The following GPHN variants were observed in gnomAD, a reference collection of about 807,000 sequenced individuals.
GPHN encodes the protein gephyrin.
In GPHN, 17 loss-of-function variants were observed where a neutral mutation model predicts 95.5. The observed-to-expected ratio is 0.18, with a 90% CI of 0.12 to 0.27. GPHN has a LOEUF of 0.27. Among genes scored for constraint, GPHN ranks in the 10% least tolerant of loss-of-function variants. The pLI is 1.00. For missense variants in GPHN, 660 were observed against 978.1 expected (o/e 0.67, Z 4.34); for synonymous variants, 320 against 322.5 (o/e 0.99, Z 0.08).
At chr14:66,553,625 G>GA (rs1488606365) in intron 1 of GPHN, among the ~76,000 whole-genome samples, 1 of 151,876 alleles carries the variant, frequency 6.6e-6, no homozygotes, top group Non-Finnish European at 1.5e-5. Context: ...TCACCAGGCT[G>GA]GAGTGCAGTG....
chr14:67,659,164 C>T, the GPHN span, among the ~76,000 whole-genome samples: 1 of 152,198 alleles, frequency 6.6e-6, no homozygotes, highest in Non-Finnish European at 1.5e-5. Flanking sequence ...GGGAGTCTTG[C>T]TCACTTTCTA....
the GPHN span, among the ~76,000 whole-genome samples, chr14:67,420,400 G>A: frequency 6.6e-6 from 1 of 152,236 alleles, no homozygotes; most frequent in Non-Finnish European, 1.5e-5. Context: ...ACGAAGGGAC[G>A]TGTGACCGGT....
At chr14:67,422,166 A>T in the GPHN span, among the ~76,000 whole-genome samples, 1 of 152,028 alleles carries the variant, frequency 6.6e-6, no homozygotes, top group East Asian at 1.9e-4. Context: ...TCCTCATCTT[A>T]ATCATCCCAG....
intron 3 of GPHN, among the ~76,000 whole-genome samples, chr14:66,797,048 A>G (rs577494308): frequency 1.7e-5 from 2 of 120,798 alleles, no homozygotes; most frequent in Non-Finnish European, 1.8e-5. Flanking sequence ...TTTTTGCATA[A>G]TGGATATTCA....
intron 3 of GPHN, among the ~76,000 whole-genome samples, chr14:66,806,077 G>A (rs979278469): frequency 1.3e-5 from 2 of 152,112 alleles, no homozygotes; most frequent in African/African-American, 2.4e-5. Context: ...AAATCTAGAT[G>A]GCGGTTCCCA....
chr14:67,554,130 T>C, the GPHN span, among the ~76,000 whole-genome samples: 1 of 151,986 alleles, frequency 6.6e-6, no homozygotes, highest in Non-Finnish European at 1.5e-5. Flanking sequence ...GAGAAAAAAA[T>C]GGATGAGGGA....
chr14:66,961,900 G>GTATGTATATA lies in GPHN; in HGVS notation c.829-3288_829-3287insGTATATATAT, dbSNP rs2068929443. Among the ~76,000 whole-genome samples, 8 of 52,958 alleles carry GTATGTATATA rather than the reference G, an allele frequency of 1.5e-4. 1 individual carries two copies. The highest frequency in any genetic ancestry group is 2.2e-4 in the Non-Finnish European group (5 of 22,476). The allele number at this position is 52,958 out of a possible 152,430, so 34.7% of individuals were successfully genotyped here. A position where few individuals can be genotyped will look rare whatever the true frequency, so the allele number is the denominator to read the frequency against. On this transcript the variant is annotated intron_variant, in intron 8 of 22. Transcript: ENST00000478722. ...AACCAACCATTCTATCCCTGAATGT[G>GTATGTATATA]TATATATATATATATATATATATAT...
intron 9 of GPHN, among the ~76,000 whole-genome samples, chr14:66,984,156 C>A (rs74056542): frequency 0.068 from 10,273 of 152,172 alleles, 837 homozygotes; most frequent in African/African-American, 0.19. Flanking sequence ...GCATCAGACT[C>A]TTATATTTTT....
the GPHN span, among the ~76,000 whole-genome samples, chr14:67,427,342 G>T: frequency 6.6e-6 from 1 of 152,188 alleles, no homozygotes; most frequent in African/African-American, 2.4e-5. Flanking sequence ...GAAGGTCTCG[G>T]GCAGGGAAGG....
At chr14:66,763,901 A>G (rs1248437218) in intron 2 of GPHN, among the ~76,000 whole-genome samples, 2 of 152,074 alleles carry the variant, frequency 1.3e-5, no homozygotes, top group African/African-American at 4.8e-5. Context: ...CACAAACCCT[A>G]TTGTGAACTG....
the GPHN span, among the ~76,000 whole-genome samples, chr14:67,318,443 C>T: frequency 6.6e-6 from 1 of 151,956 alleles, no homozygotes; most frequent in Admixed American, 6.6e-5. Flanking sequence ...TTTTTTGAAA[C>T]AGACTGAAGT....
chr14:66,847,094 T>A (rs907671197), intron 4 of GPHN, among the ~76,000 whole-genome samples: 1 of 152,158 alleles, frequency 6.6e-6, no homozygotes, highest in Non-Finnish European at 1.5e-5. Flanking sequence ...ACTCAGTACT[T>A]CACACTGATT....
At chr14:67,005,543 T>C (rs1333409899) in intron 9 of GPHN, among the ~76,000 whole-genome samples, 2 of 151,954 alleles carry the variant, frequency 1.3e-5, no homozygotes, top group Non-Finnish European at 2.9e-5. Context: ...TACATGTATT[T>C]GATGTCAGAG....
chr14:67,690,792 G>A, the GPHN span: 5 of 375,178 alleles, frequency 1.3e-5, no homozygotes, highest in Non-Finnish European at 2.4e-5. Context: ...AGTACAGCCT[G>A]GGCAACATAG....
At chr14:66,795,722 T>C (rs2060131449) in intron 3 of GPHN, among the ~76,000 whole-genome samples, 1 of 152,192 alleles carries the variant, frequency 6.6e-6, no homozygotes. Flanking sequence ...ACATAATAAA[T>C]GTATATATTT....
At chr14:67,347,624 C>T in the GPHN span, among the ~76,000 whole-genome samples, 1 of 151,900 alleles carries the variant, frequency 6.6e-6, no homozygotes, top group Non-Finnish European at 1.5e-5. Flanking sequence ...GGTCAGCCTC[C>T]TGAATAGGTG....
the GPHN span, among the ~76,000 whole-genome samples, chr14:67,495,492 T>C: frequency 3.3e-5 from 5 of 152,272 alleles, no homozygotes; most frequent in South Asian, 1.0e-3. Flanking sequence ...CTGGATTTTT[T>C]TTTTTTTCAG....
At chr14:67,562,786 A>G in the GPHN span, 1 of 1,613,828 alleles carries the variant, frequency 6.2e-7, no homozygotes, top group Non-Finnish European at 8.5e-7. Flanking sequence ...CACCCCCAGC[A>G]GGGAAGAATG....
At chr14:67,704,303 T>C in the GPHN span, among the ~76,000 whole-genome samples, 2 of 152,184 alleles carry the variant, frequency 1.3e-5, no homozygotes, top group Non-Finnish European at 2.9e-5. Flanking sequence ...TCATTAAAAT[T>C]TTCAAATCGT....
Sources: gnomAD v4.1 joint callset for allele counts (sites outside exome capture counted in the v4.1 genomes callset) on GRCh38, gnomAD v4.1.1 for gene constraint, MANE v1.5 for transcripts, NCBI Gene and HGNC (gene_info 2026-07-23, HGNC 2026-07-21) for gene names.